MYLK: variants seen among roughly 807,000 people sequenced by gnomAD.
MYLK encodes the protein myosin light chain kinase.
In MYLK, 106 loss-of-function variants were observed where a neutral mutation model predicts 203.4. The ratio of observed to expected loss-of-function variants is 0.52; its 90% confidence interval spans 0.45 to 0.61. MYLK has a LOEUF of 0.61. Ranked by LOEUF, MYLK falls within the 20% of genes least tolerant of loss-of-function variation. The pLI, the probability that MYLK is intolerant of heterozygous loss-of-function variation, is 0.00. For synonymous variants in MYLK, 867 were observed against 959.5 expected (o/e 0.90, Z 1.78); for missense variants, 2,072 against 2,442.3 (o/e 0.85, Z 3.20).
At chr3:123,793,445 T>C (rs1576993965) in intron 4 of MYLK, among the ~76,000 whole-genome samples, 2 of 152,088 alleles carry the variant, frequency 1.3e-5, no homozygotes, top group East Asian at 3.9e-4. Flanking sequence ...CAGCAAAACA[T>C]CACAGGATGG....
chr3:123,657,772 T>C (rs1194132358), intron 23 of MYLK, among the ~76,000 whole-genome samples: 4 of 152,254 alleles, frequency 2.6e-5, no homozygotes, highest in African/African-American at 9.6e-5. Context: ...AGGCGTGGAC[T>C]ATTTCCTATC....
At chr3:123,634,182 T>A (rs1223143154) in intron 29 of MYLK, among the ~76,000 whole-genome samples, 4 of 152,194 alleles carry the variant, frequency 2.6e-5, no homozygotes, top group Admixed American at 2.6e-4. Context: ...TTTTGTGGAC[T>A]GGCCGAGGAA....
chr3:123,678,015 T>TTA (rs1234641129), intron 20 of MYLK, among the ~76,000 whole-genome samples: 1 of 150,570 alleles, frequency 6.6e-6, no homozygotes, highest in Admixed American at 6.6e-5. Context: ...GTTCCACATC[T>TTA]TACTAGCTGT....
rs375644770 is a variant in MYLK, at chr3:123,703,342, C to T, written c.2391-1833G>A. On this transcript the variant is annotated intron_variant, in intron 16 of 33. Coordinates refer to ENST00000360304, the MANE Select transcript of MYLK (RefSeq NM_053025.4). ...GCCTGCTGGGCTCCTCTCCTTTGTCCTTCTCTCCAGTGCCCTCGTGCTGTC... is the reference window on the plus strand; with the variant it reads ...GCCTGCTGGGCTCCTCTCCTTTGTCTTTCTCTCCAGTGCCCTCGTGCTGTC... 7.9e-5 allele frequency among the ~76,000 whole-genome samples: 12 copies of T among 152,324 alleles called. 1 individual carries two copies. The highest frequency in any genetic ancestry group is 3.9e-4 in the Admixed American group (6 of 15,306).
chr3:123,734,254 G>GC, intron 9 of MYLK, 32 bp from the exon 10 acceptor site: 6 of 1,066,862 alleles, frequency 5.6e-6, no homozygotes, highest in Non-Finnish European at 7.8e-6. Flanking sequence ...GGTAGGGTGG[G>GC]TGAGGAGAGG....
chr3:123,766,137 ACT>A (rs954295104), intron 4 of MYLK, among the ~76,000 whole-genome samples: 1 of 152,132 alleles, frequency 6.6e-6, no homozygotes, highest in African/African-American at 2.4e-5. Flanking sequence ...CTATTTCAGA[ACT>A]CTCTGTTCTG....
At chr3:123,833,165 G>C (rs1350809776) in intron 2 of MYLK, among the ~76,000 whole-genome samples, 1 of 152,114 alleles carries the variant, frequency 6.6e-6, no homozygotes, top group Non-Finnish European at 1.5e-5. Context: ...AGCCTTGTCT[G>C]CACCCAGTTG....
intron 3 of MYLK, among the ~76,000 whole-genome samples, chr3:123,805,451 G>T (rs996374265): frequency 6.6e-6 from 1 of 152,164 alleles, no homozygotes; most frequent in Non-Finnish European, 1.5e-5. Flanking sequence ...AGGAGGGAAG[G>T]TGCTAAATCT....
chr3:123,716,871 T>A (rs33258), intron 13 of MYLK, among the ~76,000 whole-genome samples: 1 of 152,190 alleles, frequency 6.6e-6, no homozygotes, highest in Non-Finnish European at 1.5e-5. Flanking sequence ...CAAACGTACA[T>A]GTATATGCTC....
intron 2 of MYLK, among the ~76,000 whole-genome samples, chr3:123,849,943 T>C (rs1337300516): frequency 6.6e-6 from 1 of 152,170 alleles, no homozygotes; most frequent in Non-Finnish European, 1.5e-5. Flanking sequence ...CCTTCCTGTG[T>C]CCAAGTGTTC....
At chr3:123,767,797 C>T (rs1007322388) in intron 4 of MYLK, among the ~76,000 whole-genome samples, 1 of 152,166 alleles carries the variant, frequency 6.6e-6, no homozygotes, top group Admixed American at 6.5e-5. Flanking sequence ...ATGAATGATG[C>T]CTGTGGGTGT....
chr3:123,635,984 C>T (rs1297622651), intron 29 of MYLK, among the ~76,000 whole-genome samples: 3 of 152,190 alleles, frequency 2.0e-5, no homozygotes, highest in Non-Finnish European at 4.4e-5. Context: ...AAGCCAGACA[C>T]TTCTTTCTGT....
intron 21 of MYLK, 99 bp downstream of exon 21, chr3:123,667,038 T>G: frequency 8.9e-7 from 1 of 1,126,090 alleles, no homozygotes; most frequent in Admixed American, 1.7e-5. Flanking sequence ...GTGGGGTGTC[T>G]CCTGGGATCA....
intron 4 of MYLK, among the ~76,000 whole-genome samples, chr3:123,772,569 A>T (rs2063919296): frequency 6.6e-6 from 1 of 152,110 alleles, no homozygotes; most frequent in African/African-American, 2.4e-5. Flanking sequence ...CTAAAATTTA[A>T]AATTTCTGTA....
At chr3:123,856,494 A>T (rs982170698) in intron 2 of MYLK, among the ~76,000 whole-genome samples, 2 of 152,234 alleles carry the variant, frequency 1.3e-5, no homozygotes, top group Non-Finnish European at 2.9e-5. Context: ...TTATCCATTC[A>T]AATATTTATT....
At chr3:123,845,666 A>T (rs769415195) in intron 2 of MYLK, among the ~76,000 whole-genome samples, 1 of 151,856 alleles carries the variant, frequency 6.6e-6, no homozygotes, top group Non-Finnish European at 1.5e-5. Context: ...ATATTTTTTT[A>T]TTTTTTAGAG....
At chr3:123,658,214 T>A (rs1408355634) in intron 23 of MYLK, among the ~76,000 whole-genome samples, 2 of 152,218 alleles carry the variant, frequency 1.3e-5, no homozygotes, top group Non-Finnish European at 2.9e-5. Flanking sequence ...ATATAAATAA[T>A]TTCAAAAGCA....
At chr3:123,658,414 A>AT (rs1481201130) in intron 23 of MYLK, among the ~76,000 whole-genome samples, 1 of 152,148 alleles carries the variant, frequency 6.6e-6, no homozygotes, top group Non-Finnish European at 1.5e-5. Flanking sequence ...AGTTTTGCTG[A>AT]TTTTATTAGT....
chr3:123,693,252 G>A (rs2060758892), intron 18 of MYLK, among the ~76,000 whole-genome samples: 2 of 152,224 alleles, frequency 1.3e-5, no homozygotes, highest in Admixed American at 1.3e-4. Context: ...TTACAGACCT[G>A]TGTTAGGAAC....
Sources: gnomAD v4.1 joint callset for allele counts (sites outside exome capture counted in the v4.1 genomes callset) on GRCh38, gnomAD v4.1.1 for gene constraint, MANE v1.5 for transcripts, NCBI Gene and HGNC (gene_info 2026-07-23, HGNC 2026-07-21) for gene names.